The following TDRD6 variants were observed in gnomAD, a reference collection of about 807,000 sequenced individuals.
TDRD6 encodes the protein tudor domain containing 6.
Under a neutral mutation model 157.5 loss-of-function variants are expected in TDRD6, and 186 were observed. That is an observed-to-expected ratio of 1.18 (90% CI 1.05 to 1.33). The LOEUF is 1.33. Among genes scored for constraint, TDRD6 ranks in the 40% most tolerant of loss-of-function variants. The pLI is 0.00. For missense variants in TDRD6, 3,066 were observed against 2,508.0 expected (o/e 1.22, Z -4.75); for synonymous variants, 1,075 against 945.2 (o/e 1.14, Z -2.52).
Position 46,689,096 on chromosome 6 carries a change from A to T in TDRD6, c.968A>T (p.Asp323Val). The change falls in exon 1 of 4, where the codon GAT (aspartate) becomes GTT (valine). Residue 323 changes from aspartate (D) to valine (V), a missense_variant. Transcript: ENST00000316081. ...TCTCCGTGTGCATCCTGTGGCCTGG[A>T]TGGACATTGGTACAGAGCACTGTTG... The part of the protein sequence containing the change: ...PGSPCASCGL[D>V]GHWYRALLLE... The T allele has an allele frequency of 6.2e-7, 1 of 1,614,104 alleles. No individual in the cohort carries two copies. The highest frequency in any genetic ancestry group is 8.5e-7 in the Non-Finnish European group (1 of 1,180,022).
chr6:46,694,118 A>G lies in TDRD6; in HGVS notation c.5990A>G (p.Glu1997Gly). Residue 1997 changes from glutamate to glycine, a missense_variant, in exon 1 of 4, where the codon GAG becomes GGG. By Grantham distance (98) the Glu-to-Gly change is moderately conservative. Coordinates refer to ENST00000316081, the MANE Select transcript of TDRD6 (RefSeq NM_001010870.3). ...TCGGCATTGATGCCTTTGTTCTCTG[A>G]GGAAGAAAGCAGTGATGGAAGCAAG... ...AISALMPLFS[E>G]EESSDGSKHN... 6.2e-7 allele frequency: 1 copy of G among 1,602,728 alleles called. No individual in the cohort carries two copies. Among genetic ancestry groups the G allele is most frequent in the Non-Finnish European group, 8.5e-7 (1 of 1,174,724 alleles).
intron 2 of TDRD6, 35 bp downstream of exon 2, chr6:46,695,980 A>T (rs990792533): frequency 6.3e-7 from 1 of 1,596,704 alleles, no homozygotes; most frequent in Non-Finnish European, 8.5e-7. Context: ...CTCCAAATGT[A>T]TTTGCAGACT....
In TDRD6 at chr6:46,688,168, C is replaced by T; in HGVS notation, c.40C>T (p.Leu14=). 6.5e-7 allele frequency: 1 copy of T among 1,548,402 alleles called. No homozygotes were observed. The change falls in exon 1 of 4, where the codon CTG becomes TTG. Residue 14 remains leucine (L), a synonymous_variant. Coordinates refer to ENST00000316081, the MANE Select transcript of TDRD6 (RefSeq NM_001010870.3). ...CGGAATGCCGGCGCCGGGGGCCTCGCTGGCCCTGCGGGTGTCCTTCGTGGA... is the reference window on the plus strand; with the variant it reads ...CGGAATGCCGGCGCCGGGGGCCTCGTTGGCCCTGCGGGTGTCCTTCGTGGA... ...TPGMPAPGAS[L]ALRVSFVDVH...
rs1210166136 is a variant in TDRD6 at position 46,693,822 on chromosome 6, CTGTGAAGCTGAG to C, written c.5695_5706del (p.Cys1899_Glu1902del). 3 of 1,614,208 alleles carry C rather than the reference CTGTGAAGCTGAG, an allele frequency of 1.9e-6. No homozygotes were observed. The highest frequency in any genetic ancestry group is 2.5e-6 in the Non-Finnish European group (3 of 1,180,036). On this transcript the variant is annotated inframe_deletion, in exon 1 of 4. Coordinates refer to ENST00000316081, the MANE Select transcript of TDRD6 (RefSeq NM_001010870.3). The stretch of plus-strand genomic sequence containing the variant: ...TATTTACACTGCAGCTTCCTCTCAG[CTGTGAAGCTGAG>C]AAACAGCCAGAACTAGAACTACCTA...
At chr6:46,686,376 G>A (rs539385676), upstream of TDRD6, among the ~76,000 whole-genome samples, 9 of 151,844 alleles carry the variant, frequency 5.9e-5, no homozygotes, top group South Asian at 1.9e-3. Context: ...GCACTGGCTA[G>A]GCATCGAGAA....
At chr6:46,681,492 T>A in the TDRD6 span, 1 of 468,750 alleles carries the variant, frequency 2.1e-6, no homozygotes, top group Non-Finnish European at 4.4e-6. Context: ...AGGAATACAT[T>A]ACTTTCTTCT....
In TDRD6 at chr6:46,691,159, A is replaced by G; in HGVS notation, c.3031A>G (p.Ile1011Val). ...TTGCCAGCTGGCAAGAAATGCAAAT[A>G]TTTTAGAACAGTTGTCATGTAGTAT... is the stretch of plus-strand genomic sequence containing the variant. ...FYCQLARNAN[I>V]LEQLSCSITQ... The change falls in exon 1 of 4, where the codon ATT (isoleucine) becomes GTT (valine). Residue 1011 changes from isoleucine (I) to valine (V), a missense_variant. Physicochemically the swap from Ile to Val is conservative, Grantham distance 29 (BLOSUM62 3). Transcript: ENST00000316081. The G allele has an allele frequency of 6.2e-7, 1 of 1,613,814 alleles. No homozygotes were observed. Among genetic ancestry groups the G allele is most frequent in the South Asian group, 1.1e-5 (1 of 91,036 alleles).
the TDRD6 span, among the ~76,000 whole-genome samples, chr6:46,680,675 G>A: frequency 2.0e-5 from 3 of 152,078 alleles, no homozygotes; most frequent in East Asian, 5.8e-4. Context: ...CTATATCCAA[G>A]ACCCTCTCAA....
upstream of TDRD6, among the ~76,000 whole-genome samples, chr6:46,684,025 A>T (rs1408193873): frequency 2.0e-5 from 3 of 152,112 alleles, no homozygotes. Flanking sequence ...TCAGATATGG[A>T]AACAGAGGGT....
Position 46,703,676 on chromosome 6 carries a change from C to T in TDRD6, c.*1789C>T, listed in dbSNP as rs1562064129. 6.6e-6 allele frequency: 1 copy of T among 152,034 alleles called. No homozygotes were observed. Among genetic ancestry groups the T allele is most frequent in the South Asian group, 2.1e-4 (1 of 4,822 alleles). 9.4% of individuals were successfully genotyped at this position (152,034 alleles called of 1,614,324 possible). On this transcript the variant is annotated 3_prime_UTR_variant, in exon 4 of 4. Coordinates refer to ENST00000316081, the MANE Select transcript of TDRD6 (RefSeq NM_001010870.3). ...ATAAATTCTTAAGCTATATTTTTAC[C>T]TCCATTTAATCGTGTTATTCTGTTT...
At position 46,693,224 on chromosome 6, in the gene TDRD6, C is replaced by G; in HGVS notation, c.5096C>G (p.Ser1699Cys). 1 of 1,613,038 alleles carries G rather than the reference C, an allele frequency of 6.2e-7. No individual in the cohort carries two copies. Among genetic ancestry groups the G allele is most frequent in the African/African-American group, 1.3e-5 (1 of 74,934 alleles). Residue 1699 changes from serine to cysteine, a missense_variant, in exon 1 of 4, where the codon TCT becomes TGT. By Grantham distance (112) the Ser-to-Cys change is moderately radical. Coordinates refer to ENST00000316081, the MANE Select transcript of TDRD6 (RefSeq NM_001010870.3). ...KSINEKMEKY[S>C]KTGIKSALPY... ...ATTAATGAGAAAATGGAGAAATATT[C>G]TAAGACTGGTATTAAAAGTGCTCTT... is the stretch of plus-strand genomic sequence containing the variant.
Position 46,692,820 on chromosome 6 carries a change from T to A in TDRD6, c.4692T>A (p.Cys1564Ter). 6.2e-7 allele frequency: 1 copy of A among 1,614,040 alleles called. No homozygotes were observed. Among genetic ancestry groups the A allele is most frequent in the Non-Finnish European group, 8.5e-7 (1 of 1,179,960 alleles). Residue 1564 changes from cysteine (C) to a stop codon, truncating the protein, a stop_gained, in exon 1 of 4, where the codon TGT becomes TGA. Coordinates refer to ENST00000316081, the MANE Select transcript of TDRD6 (RefSeq NM_001010870.3). LOFTEE classifies it high-confidence loss of function. ...AACAGGTAGCAGACAGGAGAAATTG[T>A]ATCCCATGTCCTTATATTGGAGATC... Reference protein sequence around the residue: ...AGEQVADRRNCIPCPYIGDPC... With the variant: ...AGEQVADRRN
Position 46,690,507 on chromosome 6 carries a change from G to C in TDRD6, c.2379G>C (p.Arg793Ser). ...GCTATTTCTGGTGTCAGCTGACCAG[G>C]AACATACAAGGACTTAAAACTCTAA... Reference protein sequence around the residue: ...NPGYFWCQLTRNIQGLKTLMS... With the variant: ...NPGYFWCQLTSNIQGLKTLMS... The change falls in exon 1 of 4, where the codon AGG becomes AGC. Residue 793 changes from arginine to serine, a missense_variant. Physicochemically the swap from Arg to Ser is moderately radical, Grantham distance 110 (BLOSUM62 -1). Coordinates refer to ENST00000316081, the MANE Select transcript of TDRD6 (RefSeq NM_001010870.3). 1 of 1,614,108 alleles carries C rather than the reference G, an allele frequency of 6.2e-7. No homozygotes were observed. The highest frequency in any genetic ancestry group is 1.3e-5 in the African/African-American group (1 of 75,038).
Position 46,692,136 on chromosome 6 carries a change from G to C in TDRD6, c.4008G>C (p.Glu1336Asp). ...AAGCTGAAATTAGTCATCTTTCAGAGAGATTAAACAGTGTTAAAACAAGGC... is the reference window on the plus strand; with the variant it reads ...AAGCTGAAATTAGTCATCTTTCAGACAGATTAAACAGTGTTAAAACAAGGC... ...EDEAEISHLSERLNSVKTRPE... is the reference protein window; with the variant it reads ...EDEAEISHLSDRLNSVKTRPE... Residue 1336 changes from glutamate (E) to aspartate (D), a missense_variant, in exon 1 of 4, where the codon GAG becomes GAC. Physicochemically the swap from Glu to Asp is conservative, Grantham distance 45. Coordinates refer to ENST00000316081, the MANE Select transcript of TDRD6 (RefSeq NM_001010870.3). 6.2e-7 allele frequency: 1 copy of C among 1,613,880 alleles called. No individual in the cohort carries two copies. The highest frequency in any genetic ancestry group is 8.5e-7 in the Non-Finnish European group (1 of 1,179,898).
Position 46,691,030 on chromosome 6 carries a change from T to G in TDRD6, c.2902T>G (p.Ser968Ala). 1 of 1,613,268 alleles carries G rather than the reference T, an allele frequency of 6.2e-7. No individual in the cohort carries two copies. Among genetic ancestry groups the G allele is most frequent in the Non-Finnish European group, 8.5e-7 (1 of 1,179,750 alleles). The change falls in exon 1 of 4, where the codon TCC becomes GCC. Residue 968 changes from serine (S) to alanine (A), a missense_variant. By Grantham distance (99) the Ser-to-Ala change is moderately conservative. Coordinates refer to ENST00000316081, the MANE Select transcript of TDRD6 (RefSeq NM_001010870.3). ...RPVKLQKPLESSVQLHSYFYS... is the reference protein window; with the variant it reads ...RPVKLQKPLEASVQLHSYFYS... ...AGTAAAACTTCAGAAGCCTTTGGAG[T>G]CCTCTGTTCAGCTACATTCCTACTT...
In TDRD6 at chr6:46,689,860, G is replaced by A; in HGVS notation, c.1732G>A (p.Val578Met). 3 of 1,614,204 alleles carry A rather than the reference G, an allele frequency of 1.9e-6. No individual in the cohort carries two copies. Among genetic ancestry groups the A allele is most frequent in the Non-Finnish European group, 2.5e-6 (3 of 1,180,034 alleles). The change falls in exon 1 of 4, where the codon GTG becomes ATG. Residue 578 changes from valine (V) to methionine (M), a missense_variant. Transcript: ENST00000316081. The stretch of plus-strand genomic sequence containing the variant: ...AGTTGACCGAGGCAATTCGGAAAAT[G>A]TGGACTGGTATGACGTAAGGATGCT... ...FLVDRGNSENVDWYDVRMLLP... is the reference protein window; with the variant it reads ...FLVDRGNSENMDWYDVRMLLP...
rs140946248 is a variant in TDRD6 at position 46,691,984 on chromosome 6, G to T, written c.3856G>T (p.Asp1286Tyr). The T allele has an allele frequency of 1.4e-4, 224 of 1,613,888 alleles. 2 individuals carry two copies. Among genetic ancestry groups the T allele is most frequent in the Middle Eastern group, 5.0e-4 (3 of 6,060 alleles). The part of the protein sequence containing the change: ...LSERKIGDSC[D>Y]KDLPLKFCEF... ...AGAGAGAAAAATAGGAGATTCATGTGACAAAGATTTGCCTCTGAAATTTTG... is the reference window on the plus strand; with the variant it reads ...AGAGAGAAAAATAGGAGATTCATGTTACAAAGATTTGCCTCTGAAATTTTG... Residue 1286 changes from aspartate to tyrosine, a missense_variant, in exon 1 of 4, where the codon GAC becomes TAC. Transcript: ENST00000316081.
In TDRD6 at chr6:46,692,653, G is replaced by A; in HGVS notation, c.4525G>A (p.Val1509Ile). 2 of 1,613,460 alleles carry A rather than the reference G, an allele frequency of 1.2e-6. No homozygotes were observed. The highest frequency in any genetic ancestry group is 1.7e-6 in the Non-Finnish European group (2 of 1,179,832). ...TAACAAATCAGACATTGACACTTCA[G>A]TATTTCTTAACTGGTATAATCCAGA... is the stretch of plus-strand genomic sequence containing the variant. ...SVNKSDIDTS[V>I]FLNWYNPEKK... The change falls in exon 1 of 4, where the codon GTA becomes ATA. Residue 1509 changes from valine (V) to isoleucine (I), a missense_variant. Val to Ile is a conservative substitution (Grantham distance 29, BLOSUM62 3). Transcript: ENST00000316081.
In TDRD6 at chr6:46,697,981, T is replaced by A. The variant is rs1339664810; in HGVS notation, c.6172-17T>A. 2 of 1,541,522 alleles carry A rather than the reference T, an allele frequency of 1.3e-6. No individual in the cohort carries two copies. Among genetic ancestry groups the A allele is most frequent in the African/African-American group, 1.4e-5 (1 of 73,254 alleles). ...TTTTGAATTGGACACTTTAAAAAAA[T>A]TTGTTTTCTCCTGTAGGTTTTGAAC... On this transcript the variant is annotated splice_polypyrimidine_tract_variant and intron_variant, in intron 2 of 3. Coordinates refer to ENST00000316081, the MANE Select transcript of TDRD6 (RefSeq NM_001010870.3).
Sources: gnomAD v4.1 joint callset for allele counts (sites outside exome capture counted in the v4.1 genomes callset) on GRCh38, gnomAD v4.1.1 for gene constraint, MANE v1.5 for transcripts, NCBI Gene and HGNC (gene_info 2026-07-23, HGNC 2026-07-21) for gene names.